The following GRM1 variants were observed in gnomAD, a reference collection of about 807,000 sequenced individuals.
The protein encoded by GRM1 is glutamate metabotropic receptor 1, also known as metabotropic glutamate receptor 1.
A neutral mutation model predicts 90.9 loss-of-function variants in GRM1; 33 were observed. That is an observed-to-expected ratio of 0.36 (90% CI 0.28 to 0.49). GRM1 has a LOEUF of 0.49. GRM1 is among the 20% of genes least tolerant of loss of function. The probability of loss-of-function intolerance (pLI) is 0.99; values close to 1 mark genes in which losing one functional copy is unlikely to be tolerated. For missense variants in GRM1, 1,190 were observed against 1,534.3 expected (o/e 0.78, Z 3.75); for synonymous variants, 700 against 613.2 (o/e 1.14, Z -2.09).
At position 146,029,963 on chromosome 6, in the gene GRM1, CA is replaced by C; in HGVS notation, c.447del (p.Gly150AlafsTer10). 1 of 1,614,126 alleles carries C rather than the reference CA, an allele frequency of 6.2e-7. No individual in the cohort carries two copies. The highest frequency in any genetic ancestry group is 8.5e-7 in the Non-Finnish European group (1 of 1,179,982). ...RCLPDGQSLP[P>X]GRTKKPIAGV... is the part of the protein sequence containing the mutation. ...CTGCCTGACGGCCAGTCCCTCCCCC[CA>C]GGCAGGACTAAGAAGCCCATTGCGG... On this transcript the variant is annotated frameshift_variant, in exon 1 of 8. Transcript: ENST00000282753. LOFTEE classifies it high-confidence loss of function.
intron 1 of GRM1, among the ~76,000 whole-genome samples, chr6:146,136,849 C>CTTTTTTTTTTTTT (rs57774648): frequency 1.1e-5 from 1 of 90,942 alleles, no homozygotes; most frequent in Non-Finnish European, 2.1e-5. Flanking sequence ...TGTACAGAAG[C>CTTTTTTTTTTTTT]TTTTTTTTTT....
Position 146,437,590 on chromosome 6 carries a change from C to A in GRM1, c.*2794C>A, listed in dbSNP as rs868482992. 59 of 152,606 alleles carry A rather than the reference C, an allele frequency of 3.9e-4. No individual in the cohort carries two copies. The highest frequency in any genetic ancestry group is 1.4e-3 in the African/African-American group (58 of 41,534). 9.5% of individuals were successfully genotyped at this position (152,606 alleles called of 1,614,324 possible). On this transcript the variant is annotated 3_prime_UTR_variant, in exon 8 of 8. Transcript: ENST00000282753. ...GACAATGCTGTATAATAAATATTTTCTATTTATTAAATGTGTATGTTCTTT... is the reference window on the plus strand; with the variant it reads ...GACAATGCTGTATAATAAATATTTTATATTTATTAAATGTGTATGTTCTTT...
chr6:146,384,645 G>T (rs1175138648), intron 5 of GRM1, among the ~76,000 whole-genome samples: 7 of 152,112 alleles, frequency 4.6e-5, no homozygotes, highest in Non-Finnish European at 1.0e-4. Context: ...GGCAAAATGT[G>T]TCACATTACC....
intron 1 of GRM1, among the ~76,000 whole-genome samples, chr6:146,147,320 G>A (rs188717301): frequency 1.5e-4 from 23 of 152,302 alleles, no homozygotes; most frequent in Admixed American, 1.2e-3. Flanking sequence ...TCCCAGCTCC[G>A]ACAGTATCTG....
intron 7 of GRM1, among the ~76,000 whole-genome samples, chr6:146,426,038 C>CCT (rs921830123): frequency 6.6e-6 from 1 of 152,132 alleles, no homozygotes; most frequent in Non-Finnish European, 1.5e-5. Context: ...GTTGCTGCTC[C>CCT]CTCTCTCTCT....
At chr6:146,283,500 T>C (rs1032816454) in intron 2 of GRM1, among the ~76,000 whole-genome samples, 1 of 152,210 alleles carries the variant, frequency 6.6e-6, no homozygotes, top group Non-Finnish European at 1.5e-5. Flanking sequence ...ATTAGTCATA[T>C]TCACCTTGCA....
intron 3 of GRM1, among the ~76,000 whole-genome samples, chr6:146,339,037 A>T (rs1784876537): frequency 6.6e-6 from 1 of 152,228 alleles, no homozygotes; most frequent in African/African-American, 2.4e-5. Flanking sequence ...TTCTATACAA[A>T]CAGCACAGAG....
intron 6 of GRM1, among the ~76,000 whole-genome samples, chr6:146,390,338 T>G (rs1182808234): frequency 6.6e-6 from 1 of 152,004 alleles, no homozygotes; most frequent in African/African-American, 2.4e-5. Flanking sequence ...GAGAAAGTGC[T>G]TTTTGAAGCT....
In GRM1 at chr6:146,189,193, T is replaced by C. The variant is rs1583137670; in HGVS notation, c.950+29596T>C. On this transcript the variant is annotated intron_variant, in intron 2 of 7. Coordinates refer to ENST00000282753, the MANE Select transcript of GRM1 (RefSeq NM_001278064.2). Reference sequence around the variant, plus strand: ...TCATTTTCTTGTTGTTTCACATCATTAAAGAAACTTTTTCATTCCTCTTAA... The same window carrying C: ...TCATTTTCTTGTTGTTTCACATCATCAAAGAAACTTTTTCATTCCTCTTAA... 3.3e-5 allele frequency among the ~76,000 whole-genome samples: 5 copies of C among 152,338 alleles called. 1 individual carries two copies. Among genetic ancestry groups the C allele is most frequent in the Admixed American group, 3.3e-4 (5 of 15,302 alleles).
At chr6:146,028,271 G>GTGTGTGTA (rs1790570194), upstream of GRM1, among the ~76,000 whole-genome samples, 2 of 145,086 alleles carry the variant, frequency 1.4e-5, no homozygotes, top group Non-Finnish European at 3.1e-5. Flanking sequence ...GTGTGTGTGT[G>GTGTGTGTA]TGTGTGTATG....
intron 1 of GRM1, among the ~76,000 whole-genome samples, chr6:146,122,749 G>A (rs985500280): frequency 6.7e-6 from 1 of 148,828 alleles, no homozygotes; most frequent in African/African-American, 2.5e-5. Context: ...CATTTTTGTG[G>A]GTGTAATTCT....
At chr6:146,422,621 C>T (rs889804224) in intron 7 of GRM1, among the ~76,000 whole-genome samples, 1 of 152,134 alleles carries the variant, frequency 6.6e-6, no homozygotes. Context: ...GCCAGGCCTC[C>T]TGATTCAATG....
intron 1 of GRM1, among the ~76,000 whole-genome samples, chr6:146,140,139 T>TTCTTTCTA (rs2128883620): frequency 7.3e-6 from 1 of 136,398 alleles, no homozygotes; most frequent in South Asian, 2.4e-4. Flanking sequence ...CTTTCTTTCT[T>TTCTTTCTA]TCCTTCCTTC....
rs781231870 is a variant in GRM1 at position 146,159,635 on chromosome 6, T to TCA, written c.950+39_950+40insAC. The TCA allele has an allele frequency of 2.1e-4, 265 of 1,288,150 alleles. 1 individual carries two copies. In the African/African-American group the frequency reaches 2.6e-3, roughly 12 times the overall value. 79.8% of individuals were successfully genotyped at this position (1,288,150 alleles called of 1,614,324 possible). On this transcript the variant is annotated intron_variant, in intron 2 of 7. Coordinates refer to ENST00000282753, the MANE Select transcript of GRM1 (RefSeq NM_001278064.2). ...CTCTCTCTCTCTCTCTCTCTCTCTC[T>TCA]CTCTCTCACACACACACATGCACAC...
intron 2 of GRM1, among the ~76,000 whole-genome samples, chr6:146,256,516 T>C (rs1004200631): frequency 5.9e-5 from 9 of 152,106 alleles, no homozygotes; most frequent in Admixed American, 2.6e-4. Context: ...TGCCCGAAAT[T>C]TTGTAGAGGA....
chr6:146,259,167 A>T (rs1781590985), intron 2 of GRM1, among the ~76,000 whole-genome samples: 1 of 152,018 alleles, frequency 6.6e-6, no homozygotes, highest in African/African-American at 2.4e-5. Flanking sequence ...TCTTTCCTTG[A>T]CTTACTTTTA....
intron 2 of GRM1, among the ~76,000 whole-genome samples, chr6:146,289,612 C>CCACT (rs1782905169): frequency 6.6e-6 from 1 of 152,174 alleles, no homozygotes; most frequent in South Asian, 2.1e-4. Context: ...CATTCACTCA[C>CCACT]CACTCACTCA....
chr6:146,209,705 A>G (rs1034996303), intron 2 of GRM1, among the ~76,000 whole-genome samples: 2 of 152,204 alleles, frequency 1.3e-5, no homozygotes, highest in East Asian at 1.9e-4. Context: ...TGTGATATCA[A>G]TTAATTAGGA....
At chr6:146,197,111 T>G (rs779912007) in intron 2 of GRM1, among the ~76,000 whole-genome samples, 1 of 152,168 alleles carries the variant, frequency 6.6e-6, no homozygotes, top group Non-Finnish European at 1.5e-5. Flanking sequence ...GGAGATACTT[T>G]GTGGAGGACA....
Sources: allele counts gnomAD v4.1 joint callset (sites outside exome capture counted in the v4.1 genomes callset), GRCh38; gene constraint gnomAD v4.1.1; transcripts MANE v1.5; gene names NCBI Gene and HGNC (gene_info 2026-07-23, HGNC 2026-07-21).